The following ZNF385D variants were observed in gnomAD, a reference collection of about 807,000 sequenced individuals.
ZNF385D encodes zinc finger protein 659.
A neutral mutation model predicts 35.8 loss-of-function variants in ZNF385D; 15 were observed. That is an observed-to-expected ratio of 0.42 (90% CI 0.28 to 0.64). The LOEUF (loss-of-function observed/expected upper bound fraction) is 0.64, where lower values mean the gene tolerates loss of function less well. ZNF385D is among the 30% of genes least tolerant of loss of function. The pLI is 0.23. For missense variants in ZNF385D, 474 were observed against 494.6 expected (o/e 0.96, Z 0.39); for synonymous variants, 212 against 186.8 (o/e 1.13, Z -1.10).
At chr3:22,366,960 T>C (rs4858398) in intron 2 of ZNF385D, among the ~76,000 whole-genome samples, 114,997 of 152,070 alleles carry the variant, frequency 0.76, 43,834 homozygotes, top group South Asian at 0.86. Context: ...AGATTCTCCC[T>C]TAAAGCCTTC....
chr3:21,870,102 T>A (rs1697606067), intron 3 of ZNF385D, among the ~76,000 whole-genome samples: 1 of 152,084 alleles, frequency 6.6e-6, no homozygotes. Flanking sequence ...ATATATACAC[T>A]AAAAATGTAT....
intron 3 of ZNF385D, among the ~76,000 whole-genome samples, chr3:21,550,805 G>A (rs1357114237): frequency 6.6e-6 from 1 of 152,104 alleles, no homozygotes; most frequent in African/African-American, 2.4e-5. Context: ...AATACCATTA[G>A]AAAATATATC....
At chr3:21,511,224 G>A (rs77552815) in intron 3 of ZNF385D, among the ~76,000 whole-genome samples, 1 of 152,244 alleles carries the variant, frequency 6.6e-6, no homozygotes, top group African/African-American at 2.4e-5. Context: ...ATAGAAGGAA[G>A]AAATACTCTG....
chr3:21,903,548 T>C (rs914054152), intron 3 of ZNF385D, among the ~76,000 whole-genome samples: 1 of 152,198 alleles, frequency 6.6e-6, no homozygotes, highest in Non-Finnish European at 1.5e-5. Flanking sequence ...ACAGAACTTT[T>C]ACAAGTTGAT....
intron 3 of ZNF385D, among the ~76,000 whole-genome samples, chr3:21,865,253 C>T (rs1262806182): frequency 6.6e-6 from 1 of 151,736 alleles, no homozygotes; most frequent in Non-Finnish European, 1.5e-5. Context: ...GCTATACACA[C>T]TTACAAATAG....
chr3:22,207,902 T>C (rs971998241), intron 2 of ZNF385D, among the ~76,000 whole-genome samples: 3 of 151,842 alleles, frequency 2.0e-5, no homozygotes, highest in Non-Finnish European at 2.9e-5. Context: ...CTAGTCAAAA[T>C]AGCTTTGGTC....
chr3:21,959,324 T>A (rs1702456757), intron 3 of ZNF385D, among the ~76,000 whole-genome samples: 1 of 152,102 alleles, frequency 6.6e-6, no homozygotes, highest in Non-Finnish European at 1.5e-5. Flanking sequence ...AGATGCTGAA[T>A]GCAGCTAAGG....
At chr3:22,017,650 A>AT (rs1696974729) in intron 3 of ZNF385D, among the ~76,000 whole-genome samples, 1 of 151,794 alleles carries the variant, frequency 6.6e-6, no homozygotes, top group Non-Finnish European at 1.5e-5. Context: ...TGTATTCATC[A>AT]TTTTATAATG....
At position 21,801,975 on chromosome 3, in the gene ZNF385D, A is replaced by T. The variant is rs60353368; in HGVS notation, c.326-136947T>A. Among the ~76,000 whole-genome samples, 378 of 152,282 alleles carry T rather than the reference A, an allele frequency of 2.5e-3. 5 individuals carry two copies. Among genetic ancestry groups the T allele is most frequent in the African/African-American group, 8.6e-3 (359 of 41,564 alleles). On this transcript the variant is annotated intron_variant, in intron 3 of 5. Coordinates refer to the ZNF385D transcript ENST00000494108. ...TTTTTCCTGCTGTATTAAAACATAA[A>T]CAATTCATAAATGGCACCATTTCAC...
chr3:21,457,355 T>TGTTGTC (rs911959124), intron 4 of ZNF385D, among the ~76,000 whole-genome samples: 5 of 151,860 alleles, frequency 3.3e-5, no homozygotes, highest in African/African-American at 1.2e-4. Context: ...TCGTTGTTGT[T>TGTTGTC]GTTGTTGTTG....
At position 21,503,461 on chromosome 3, in the gene ZNF385D, T is replaced by G. The variant is rs139112226; in HGVS notation, c.439+7400A>C. Among the ~76,000 whole-genome samples, 1,319 of 152,282 alleles carry G rather than the reference T, an allele frequency of 8.7e-3. 21 individuals carry two copies. Among genetic ancestry groups the G allele is most frequent in the African/African-American group, 0.03 (1,232 of 41,572 alleles). ...CAGTTGCCCTCCATAGAAAACTATTTGCTTGTTTCCTAAAGGATATTGAGG... is the reference window on the plus strand; with the variant it reads ...CAGTTGCCCTCCATAGAAAACTATTGGCTTGTTTCCTAAAGGATATTGAGG... On this transcript the variant is annotated intron_variant, in intron 4 of 7. Coordinates refer to ENST00000281523, the MANE Select transcript of ZNF385D (RefSeq NM_024697.3).
At chr3:21,574,454 A>G (rs2063434262) in intron 2 of ZNF385D, among the ~76,000 whole-genome samples, 1 of 152,200 alleles carries the variant, frequency 6.6e-6, no homozygotes. Flanking sequence ...TAGGCCTTAC[A>G]TGGTTCTTGA....
At position 21,837,630 on chromosome 3, in the gene ZNF385D, T is replaced by C. The variant is rs536107277; in HGVS notation, c.326-172602A>G. On this transcript the variant is annotated intron_variant, in intron 3 of 5. Transcript: ENST00000494108. ...GGCTCACACCTGTAATCTTGACACTTTGGGAGGCTGAGGCAGGCAGATCAC... is the reference window on the plus strand; with the variant it reads ...GGCTCACACCTGTAATCTTGACACTCTGGGAGGCTGAGGCAGGCAGATCAC... 3.3e-5 allele frequency among the ~76,000 whole-genome samples: 5 copies of C among 152,094 alleles called. No homozygotes were observed. In the South Asian group the frequency reaches 1.0e-3, roughly 32 times the overall value.
intron 3 of ZNF385D, among the ~76,000 whole-genome samples, chr3:22,053,349 A>C (rs1371776438): frequency 4.8e-5 from 2 of 41,980 alleles, no homozygotes; most frequent in Non-Finnish European, 9.1e-5. Context: ...TTTTGAAAGG[A>C]TCAACAAAAT....
At chr3:22,037,548 T>C (rs900851677) in intron 3 of ZNF385D, among the ~76,000 whole-genome samples, 1 of 152,174 alleles carries the variant, frequency 6.6e-6, no homozygotes, top group Non-Finnish European at 1.5e-5. Flanking sequence ...CACCCACTTT[T>C]TGATGGGGTT....
At chr3:22,127,620 G>C (rs1175468186) in intron 3 of ZNF385D, among the ~76,000 whole-genome samples, 2 of 151,904 alleles carry the variant, frequency 1.3e-5, no homozygotes, top group Non-Finnish European at 2.9e-5. Context: ...GATTACAGGC[G>C]TGAGCCACCG....
chr3:21,717,826 G>A (rs1209892185), intron 1 of ZNF385D, among the ~76,000 whole-genome samples: 2 of 152,258 alleles, frequency 1.3e-5, no homozygotes, highest in Non-Finnish European at 2.9e-5. Flanking sequence ...GTGGAACTGT[G>A]AGTCCATTAA....
chr3:21,946,098 C>T (rs1167100838), intron 3 of ZNF385D, among the ~76,000 whole-genome samples: 1 of 152,160 alleles, frequency 6.6e-6, no homozygotes, highest in East Asian at 1.9e-4. Flanking sequence ...ATGTATTTAT[C>T]TATTTCTCCA....
chr3:22,148,110 T>C (rs1318726992), intron 3 of ZNF385D, among the ~76,000 whole-genome samples: 1 of 152,174 alleles, frequency 6.6e-6, no homozygotes, highest in Non-Finnish European at 1.5e-5. Flanking sequence ...TCCAGTTGTG[T>C]AAAATTTATA....
Sources: allele counts gnomAD v4.1 joint callset (sites outside exome capture counted in the v4.1 genomes callset), GRCh38; gene constraint gnomAD v4.1.1; transcripts MANE v1.5; gene names NCBI Gene and HGNC (gene_info 2026-07-23, HGNC 2026-07-21).